TOPAZ1: variants seen among roughly 807,000 people sequenced by gnomAD.
The protein encoded by TOPAZ1 is protein TOPAZ1.
A neutral mutation model predicts 172.2 loss-of-function variants in TOPAZ1; 66 were observed. That is an observed-to-expected ratio of 0.38 (90% CI 0.31 to 0.47). The LOEUF is 0.47. Ranked by LOEUF, TOPAZ1 falls within the 20% of genes least tolerant of loss-of-function variation. The probability of loss-of-function intolerance (pLI) is 0.99; values close to 1 mark genes in which losing one functional copy is unlikely to be tolerated. For synonymous variants in TOPAZ1, 681 were observed against 683.9 expected (o/e 1.00, Z 0.07); for missense variants, 1,822 against 1,972.4 (o/e 0.92, Z 1.44).
rs571888148 is a variant in TOPAZ1 at position 44,330,009 on chromosome 3, A to C, written c.4859+1576A>C. On this transcript the variant is annotated intron_variant, in intron 19 of 19. Transcript: ENST00000309765. Reference sequence around the variant, plus strand: ...CTTCACAAACTCAAGAGACCCATGGAGAGTTGTCATCCAACAGCCTACTAT... The same window carrying C: ...CTTCACAAACTCAAGAGACCCATGGCGAGTTGTCATCCAACAGCCTACTAT... Among the ~76,000 whole-genome samples, 101 of 152,308 alleles carry C rather than the reference A, an allele frequency of 6.6e-4. 1 individual carries two copies. Among genetic ancestry groups the C allele is most frequent in the Non-Finnish European group, 1.3e-3 (88 of 68,016 alleles).
At chr3:44,255,481 T>C (rs1401280821) in intron 3 of TOPAZ1, among the ~76,000 whole-genome samples, 1 of 151,726 alleles carries the variant, frequency 6.6e-6, no homozygotes, top group Admixed American at 6.6e-5. Context: ...TGAAACCCCA[T>C]CTCTACTAAA....
chr3:44,321,196 G>A lies in TOPAZ1; in HGVS notation c.4471+5G>A, dbSNP rs1700502919. The A allele has an allele frequency of 4.6e-6, 7 of 1,535,012 alleles. No individual in the cohort carries two copies. The highest frequency in any genetic ancestry group is 6.1e-6 in the Non-Finnish European group (7 of 1,141,016). On this transcript the variant is annotated splice_donor_5th_base_variant and intron_variant, in intron 17 of 19. Transcript: ENST00000309765. ...CAGGTTTTCAAAATTCCCAAGGTAT[G>A]TTTTTTAAAAGTCTATCTTAATTAT...
intron 12 of TOPAZ1, among the ~76,000 whole-genome samples, chr3:44,296,962 A>G (rs920293687): frequency 3.3e-5 from 5 of 151,890 alleles, no homozygotes; most frequent in Admixed American, 6.6e-5. Flanking sequence ...ACCTGAGGTC[A>G]GGAGTTTAAG....
chr3:44,295,168 A>G (rs963648709), intron 12 of TOPAZ1, among the ~76,000 whole-genome samples: 2 of 152,092 alleles, frequency 1.3e-5, no homozygotes, highest in African/African-American at 4.8e-5. Flanking sequence ...TGTTGCTCTA[A>G]TGCACTTACC....
In TOPAZ1 at chr3:44,257,347, A is replaced by G. The variant is rs1283994885; in HGVS notation, c.2955+1069A>G. Among the ~76,000 whole-genome samples the G allele has an allele frequency of 7.3e-5, 8 of 108,980 alleles. No individual in the cohort carries two copies. The East Asian group carries it at 1.6e-3, about 21-fold the overall frequency. The allele number at this position is 108,980 out of a possible 152,430, so 71.5% of individuals were successfully genotyped here. ...CAAGACCTGTCTCAAAAAAGAAAAC[A>G]TAGGGGTGTGTGTGTGTGTGTGTGT... On this transcript the variant is annotated intron_variant, in intron 4 of 19. Coordinates refer to ENST00000309765, the MANE Select transcript of TOPAZ1 (RefSeq NM_001145030.2).
In TOPAZ1 at chr3:44,331,568, C is replaced by A. The variant is rs114829359; in HGVS notation, c.4860-224C>A. Among the ~76,000 whole-genome samples the A allele has an allele frequency of 5.5e-3, 843 of 152,242 alleles. 7 individuals carry two copies. Among genetic ancestry groups the A allele is most frequent in the African/African-American group, 0.019 (809 of 41,526 alleles). On this transcript the variant is annotated intron_variant, in intron 19 of 19. Coordinates refer to ENST00000309765, the MANE Select transcript of TOPAZ1 (RefSeq NM_001145030.2). ...TCTTGAACTCCTGGCCTCAAGCGATCCCCCCAACCTGAGCGTCCAAAGCGC... is the reference window on the plus strand; with the variant it reads ...TCTTGAACTCCTGGCCTCAAGCGATACCCCCAACCTGAGCGTCCAAAGCGC...
At chr3:44,302,620 A>C (rs1700285616) in intron 12 of TOPAZ1, among the ~76,000 whole-genome samples, 1 of 152,016 alleles carries the variant, frequency 6.6e-6, no homozygotes, top group Non-Finnish European at 1.5e-5. Context: ...GGTAGGGATA[A>C]TTCTTTTTCA....
At chr3:44,292,260 C>T (rs1700146076) in intron 12 of TOPAZ1, among the ~76,000 whole-genome samples, 1 of 152,064 alleles carries the variant, frequency 6.6e-6, no homozygotes. Context: ...ACTGTTTAGG[C>T]TAAATAGATT....
At chr3:44,308,972 C>G (rs553481482) in intron 15 of TOPAZ1, among the ~76,000 whole-genome samples, 1 of 152,274 alleles carries the variant, frequency 6.6e-6, no homozygotes, top group South Asian at 2.1e-4. Flanking sequence ...TGGTCCAGAA[C>G]TCACCCAAAG....
At chr3:44,321,789 G>A (rs980386276) in intron 17 of TOPAZ1, among the ~76,000 whole-genome samples, 1 of 152,160 alleles carries the variant, frequency 6.6e-6, no homozygotes, top group African/African-American at 2.4e-5. Context: ...CTGTGCTCCT[G>A]TATTGTAATG....
chr3:44,287,945 C>A, intron 11 of TOPAZ1, 106 bp downstream of exon 11: 2 of 611,272 alleles, frequency 3.3e-6, no homozygotes, highest in Non-Finnish European at 5.6e-6. Flanking sequence ...ATTCTGGATG[C>A]CAAAGAATTC....
At chr3:44,334,986 C>A (rs1700707595), downstream of TOPAZ1, among the ~76,000 whole-genome samples, 1 of 152,076 alleles carries the variant, frequency 6.6e-6, no homozygotes, top group African/African-American at 2.4e-5. Context: ...ATGATAAGTA[C>A]AACCTCCCCA....
intron 2 of TOPAZ1, among the ~76,000 whole-genome samples, chr3:44,251,804 T>G (rs1391665776): frequency 6.6e-6 from 1 of 152,230 alleles, no homozygotes; most frequent in Admixed American, 6.5e-5. Flanking sequence ...TTTGCTTATC[T>G]GTATTTCTGT....
chr3:44,323,082 T>C lies in TOPAZ1; in HGVS notation c.4472-10T>C, dbSNP rs574552910. 6.7e-7 allele frequency: 1 copy of C among 1,493,550 alleles called. No homozygotes were observed. Among genetic ancestry groups the C allele is most frequent in the Non-Finnish European group, 8.9e-7 (1 of 1,118,586 alleles). 92.5% of individuals were successfully genotyped at this position (1,493,550 alleles called of 1,614,324 possible). On this transcript the variant is annotated splice_polypyrimidine_tract_variant and intron_variant, in intron 17 of 19. Coordinates refer to ENST00000309765, the MANE Select transcript of TOPAZ1 (RefSeq NM_001145030.2). The stretch of plus-strand genomic sequence containing the variant: ...AAATGAATTTTATTATATCATTTTT[T>C]TTATTCCAGAAACTGTGGAAGTCTC...
chr3:44,279,890 C>A (rs149363491), intron 8 of TOPAZ1, among the ~76,000 whole-genome samples: 110 of 152,028 alleles, frequency 7.2e-4, no homozygotes, highest in African/African-American at 2.5e-3. Context: ...TCCTTTGTTC[C>A]TTTCTTTCTC....
Position 44,245,283 on chromosome 3 carries a change from C to G in TOPAZ1, c.2765+12C>G. ...AGTGATGACTTAAGGTATGCATGTT[C>G]AAGTATTCCTTTTAGTGCAGATTGT... On this transcript the variant is annotated intron_variant, in intron 2 of 19. Transcript: ENST00000309765. The G allele has an allele frequency of 1.3e-6, 2 of 1,510,958 alleles. No homozygotes were observed. The highest frequency in any genetic ancestry group is 1.8e-6 in the Non-Finnish European group (2 of 1,130,382). 93.6% of individuals were successfully genotyped at this position (1,510,958 alleles called of 1,614,324 possible). A position where few individuals can be genotyped will look rare whatever the true frequency, so the allele number is the denominator to read the frequency against.
chr3:44,307,053 G>A (rs1246596881), intron 15 of TOPAZ1, among the ~76,000 whole-genome samples: 3 of 151,944 alleles, frequency 2.0e-5, no homozygotes, highest in South Asian at 2.1e-4. Flanking sequence ...ATGGAGTTTC[G>A]CTCTTGTTGC....
intron 2 of TOPAZ1, among the ~76,000 whole-genome samples, chr3:44,248,572 G>T (rs1015072120): frequency 6.6e-6 from 1 of 152,178 alleles, no homozygotes; most frequent in East Asian, 1.9e-4. Context: ...GATAACCAGA[G>T]AATCTATCAG....
At chr3:44,254,627 CAAAAA>C (rs10579109) in intron 2 of TOPAZ1, among the ~76,000 whole-genome samples, 7 of 83,192 alleles carry the variant, frequency 8.4e-5, no homozygotes, top group East Asian at 3.3e-4. Context: ...AACTCCGTCT[CAAAAA>C]AAAAAAAAAA....
Sources: gnomAD v4.1 joint callset for allele counts (sites outside exome capture counted in the v4.1 genomes callset) on GRCh38, gnomAD v4.1.1 for gene constraint, MANE v1.5 for transcripts, NCBI Gene and HGNC (gene_info 2026-07-23, HGNC 2026-07-21) for gene names.